GPM6A: variants seen among roughly 807,000 people sequenced by gnomAD.
The protein encoded by GPM6A is glycoprotein M6A.
In GPM6A, 7 loss-of-function variants were observed where a neutral mutation model predicts 32.1. That is an observed-to-expected ratio of 0.22 (90% CI 0.12 to 0.41). The LOEUF (loss-of-function observed/expected upper bound fraction) is 0.41. Ranked by LOEUF, GPM6A falls within the 10% of genes least tolerant of loss-of-function variation. The probability of loss-of-function intolerance (pLI) is 1.00; values close to 1 mark genes in which losing one functional copy is unlikely to be tolerated. For missense variants in GPM6A, 235 were observed against 347.2 expected (o/e 0.68, Z 2.57); for synonymous variants, 130 against 123.4 (o/e 1.05, Z -0.35).
intron 1 of GPM6A, among the ~76,000 whole-genome samples, chr4:175,854,890 A>G (rs1736369463): frequency 6.6e-6 from 1 of 152,220 alleles, no homozygotes; most frequent in Non-Finnish European, 1.5e-5. Flanking sequence ...GAATAGCACC[A>G]GTTGCTCACA....
chr4:175,672,147 G>A (rs898267645), intron 3 of GPM6A, among the ~76,000 whole-genome samples: 2 of 152,198 alleles, frequency 1.3e-5, no homozygotes, highest in South Asian at 4.2e-4. Flanking sequence ...TTTTTATTAT[G>A]AAGTTATTTT....
At chr4:175,790,556 G>C (rs1188619001) in intron 1 of GPM6A, 1 of 152,022 alleles carries the variant, frequency 6.6e-6, no homozygotes, top group Non-Finnish European at 1.5e-5. Context: ...ATATATTTTA[G>C]CTTCTCTTTC....
intron 1 of GPM6A, among the ~76,000 whole-genome samples, chr4:175,737,577 G>A (rs1000589846): frequency 6.6e-6 from 1 of 152,118 alleles, no homozygotes; most frequent in African/African-American, 2.4e-5. Context: ...TTATTTATAA[G>A]AACTTTCCAC....
At chr4:175,825,213 G>T (rs1196666880) in intron 1 of GPM6A, among the ~76,000 whole-genome samples, 1 of 152,046 alleles carries the variant, frequency 6.6e-6, no homozygotes, top group Non-Finnish European at 1.5e-5. Flanking sequence ...ACAAGCCAAG[G>T]TTTTACAGAT....
At chr4:175,673,591 A>G (rs1377933062) in intron 3 of GPM6A, 89 bp downstream of exon 3, 2 of 903,600 alleles carry the variant, frequency 2.2e-6, no homozygotes, top group African/African-American at 1.6e-5. Flanking sequence ...TGAAAAAAAA[A>G]TACTTTAATT....
At chr4:175,881,325 A>G (rs1327146593) in intron 1 of GPM6A, among the ~76,000 whole-genome samples, 1 of 152,216 alleles carries the variant, frequency 6.6e-6, no homozygotes, top group Non-Finnish European at 1.5e-5. Context: ...AATGGCGATC[A>G]TTAAAAAGTC....
intron 1 of GPM6A, among the ~76,000 whole-genome samples, chr4:175,760,116 C>A (rs780515835): frequency 3.9e-5 from 6 of 152,054 alleles, no homozygotes; most frequent in Non-Finnish European, 7.4e-5. Flanking sequence ...GTGGAGGTTG[C>A]AGTGAGCGGA....
chr4:175,915,748 A>T (rs1738474040), intron 1 of GPM6A, among the ~76,000 whole-genome samples: 1 of 152,204 alleles, frequency 6.6e-6, no homozygotes, highest in African/African-American at 2.4e-5. Flanking sequence ...TACTCAGGGT[A>T]TGGGGAAAAA....
At chr4:175,760,170 C>T (rs918518399) in intron 1 of GPM6A, among the ~76,000 whole-genome samples, 5 of 151,820 alleles carry the variant, frequency 3.3e-5, no homozygotes, top group Non-Finnish European at 7.4e-5. Flanking sequence ...AGTGAGACTC[C>T]GTCTCAACAA....
chr4:175,962,024 C>A, intron 1 of GPM6A: 3 of 614,508 alleles, frequency 4.9e-6, no homozygotes, highest in Admixed American at 2.4e-5. Flanking sequence ...AAAATGTTCA[C>A]GTCTCAGGCC....
chr4:175,748,776 A>G (rs1732203962), intron 1 of GPM6A, among the ~76,000 whole-genome samples: 1 of 152,208 alleles, frequency 6.6e-6, no homozygotes, highest in Admixed American at 6.5e-5. Context: ...CAGCTATGAA[A>G]GTCCTACAGG....
chr4:175,674,451 AG>A (rs1324469240), intron 2 of GPM6A, among the ~76,000 whole-genome samples: 1 of 152,212 alleles, frequency 6.6e-6, no homozygotes, highest in Non-Finnish European at 1.5e-5. Flanking sequence ...CTAGGATTTC[AG>A]GCTGAGCCAC....
At chr4:175,870,688 T>C (rs1054838353) in intron 1 of GPM6A, among the ~76,000 whole-genome samples, 9 of 152,098 alleles carry the variant, frequency 5.9e-5, no homozygotes, top group Non-Finnish European at 1.0e-4. Flanking sequence ...TGGTGAAAAT[T>C]TGCTCTTTGG....
chr4:175,866,993 C>T (rs904689869), intron 1 of GPM6A, among the ~76,000 whole-genome samples: 1 of 152,128 alleles, frequency 6.6e-6, no homozygotes, highest in Non-Finnish European at 1.5e-5. Flanking sequence ...ATACTCATTT[C>T]CCTGATGACA....
At chr4:175,730,465 T>G (rs1401652549) in intron 1 of GPM6A, among the ~76,000 whole-genome samples, 4 of 141,860 alleles carry the variant, frequency 2.8e-5, no homozygotes, top group Non-Finnish European at 3.1e-5. Flanking sequence ...ATGGTCTCGA[T>G]CTCTTCTTTT....
chr4:175,907,590 A>G (rs1205697378), intron 1 of GPM6A, among the ~76,000 whole-genome samples: 14 of 152,120 alleles, frequency 9.2e-5, no homozygotes, highest in Admixed American at 9.2e-4. Context: ...CAGAAGCAGG[A>G]AAGTCACTCT....
chr4:175,869,496 C>T (rs537008736), intron 1 of GPM6A, among the ~76,000 whole-genome samples: 3 of 152,194 alleles, frequency 2.0e-5, no homozygotes, highest in Admixed American at 1.3e-4. Flanking sequence ...TGGTGGCTCA[C>T]GTCTGTAATC....
At chr4:175,924,489 G>A (rs1342933604) in intron 1 of GPM6A, among the ~76,000 whole-genome samples, 1 of 152,160 alleles carries the variant, frequency 6.6e-6, no homozygotes, top group Non-Finnish European at 1.5e-5. Context: ...TAGGTGAGGT[G>A]TATATGAAAT....
At chr4:175,671,850 G>T (rs113330903) in intron 3 of GPM6A, among the ~76,000 whole-genome samples, 112 of 152,256 alleles carry the variant, frequency 7.4e-4, no homozygotes, top group African/African-American at 2.4e-3. Context: ...TGTCAGGGAG[G>T]TGTTACAGGA....
Sources: gnomAD v4.1 joint callset for allele counts (sites outside exome capture counted in the v4.1 genomes callset) on GRCh38, gnomAD v4.1.1 for gene constraint, MANE v1.5 for transcripts, NCBI Gene and HGNC (gene_info 2026-07-23, HGNC 2026-07-21) for gene names.